ZFHX3: variants seen among roughly 807,000 people sequenced by gnomAD.
The protein encoded by ZFHX3 is zinc finger homeobox 3.
Under a neutral mutation model 279.1 loss-of-function variants are expected in ZFHX3, and 42 were observed. The observed-to-expected ratio is 0.15, with a 90% CI of 0.12 to 0.19. The LOEUF (loss-of-function observed/expected upper bound fraction) is 0.19, where lower values mean the gene tolerates loss of function less well. Ranked by LOEUF, ZFHX3 falls within the 10% of genes least tolerant of loss-of-function variation. The probability of loss-of-function intolerance (pLI) is 1.00; values close to 1 mark genes in which losing one functional copy is unlikely to be tolerated. For synonymous variants in ZFHX3, 2,293 were observed against 1,957.8 expected (o/e 1.17, Z -4.52); for missense variants, 4,981 against 4,754.0 (o/e 1.05, Z -1.40).
intron 3 of ZFHX3, among the ~76,000 whole-genome samples, chr16:73,331,619 G>C (rs189375308): frequency 6.6e-6 from 1 of 152,162 alleles, no homozygotes; most frequent in African/African-American, 2.4e-5. Flanking sequence ...TAACTCATTC[G>C]CAGTGGTGAG....
At chr16:73,442,771 G>T (rs189865505) in intron 3 of ZFHX3, among the ~76,000 whole-genome samples, 1 of 152,278 alleles carries the variant, frequency 6.6e-6, no homozygotes, top group Admixed American at 6.5e-5. Flanking sequence ...ATGAGCGCAG[G>T]ATCCAGGCAT....
rs570223860 is a variant in ZFHX3 at position 72,958,523 on chromosome 16, C to T, written c.1623G>A (p.Gln541=). 7.4e-6 allele frequency: 12 copies of T among 1,614,082 alleles called. No individual in the cohort carries two copies. The highest frequency in any genetic ancestry group is 4.0e-5 in the African/African-American group (3 of 75,028). ...SNSPLMPNVL[Q]TLSRGTASTS... is the part of the protein sequence containing the mutation. ...TAGAAGCTGTGCCCCTCGACAGGGT[C>T]TGGAGCACGTTAGGCATTAAGGGGG... The change falls in exon 2 of 10, where the codon CAG becomes CAA. Residue 541 remains glutamine, a synonymous_variant. Transcript: ENST00000268489.
At chr16:72,899,516 C>T (rs540668340) in intron 3 of ZFHX3, among the ~76,000 whole-genome samples, 3 of 152,196 alleles carry the variant, frequency 2.0e-5, no homozygotes, top group Admixed American at 1.3e-4. Context: ...TCGGGTATGT[C>T]TTTATTAATA....
At chr16:73,250,802 G>C (rs1427545427) in intron 5 of ZFHX3, among the ~76,000 whole-genome samples, 1 of 152,162 alleles carries the variant, frequency 6.6e-6, no homozygotes, top group Non-Finnish European at 1.5e-5. Flanking sequence ...CCAAAGTGCT[G>C]GGATTACAAG....
chr16:73,886,667 C>G (rs2030356183), intron 1 of ZFHX3, among the ~76,000 whole-genome samples: 1 of 152,144 alleles, frequency 6.6e-6, no homozygotes, highest in Admixed American at 6.5e-5. Flanking sequence ...AGTTTTTTCG[C>G]CTCACAACAG....
chr16:73,658,211 C>T (rs900370623), intron 2 of ZFHX3, among the ~76,000 whole-genome samples: 2 of 152,296 alleles, frequency 1.3e-5, no homozygotes, highest in African/African-American at 4.8e-5. Flanking sequence ...TCAGGAAATA[C>T]TAGCCTTTTA....
At chr16:72,902,535 G>A (rs1013109686) in intron 3 of ZFHX3, among the ~76,000 whole-genome samples, 3 of 152,198 alleles carry the variant, frequency 2.0e-5, no homozygotes, top group Non-Finnish European at 4.4e-5. Context: ...GGGGACAGAC[G>A]GACAGAAAAC....
At chr16:73,019,444 C>T (rs1964223955) in intron 1 of ZFHX3, among the ~76,000 whole-genome samples, 1 of 152,202 alleles carries the variant, frequency 6.6e-6, no homozygotes. Context: ...ACAACCCTTC[C>T]ACCAAGTGTG....
At chr16:73,041,599 A>G (rs1448421916) in intron 1 of ZFHX3, among the ~76,000 whole-genome samples, 1 of 152,188 alleles carries the variant, frequency 6.6e-6, no homozygotes, top group Non-Finnish European at 1.5e-5. Context: ...AAATAACATA[A>G]GGGGACACTA....
chr16:73,368,132 A>T (rs1567462829), intron 3 of ZFHX3, among the ~76,000 whole-genome samples: 1 of 152,168 alleles, frequency 6.6e-6, no homozygotes, highest in Non-Finnish European at 1.5e-5. Context: ...TGGCCTCCCA[A>T]AGTGCTGGGA....
At position 73,026,511 on chromosome 16, in the gene ZFHX3, A is replaced by C. The variant is rs7203164; in HGVS notation, c.-50+21241T>G. Among the ~76,000 whole-genome samples the C allele has an allele frequency of 3.3e-5, 5 of 151,578 alleles. No individual in the cohort carries two copies. The East Asian group carries it at 9.8e-4, about 30-fold the overall frequency. ...ACATGGTGAAACCCTGTCTCTACTA[A>C]ATACAAAAAATTAGCTAGGCATGGT... On this transcript the variant is annotated intron_variant, in intron 1 of 9. Coordinates refer to ENST00000268489, the MANE Select transcript of ZFHX3 (RefSeq NM_006885.4).
In ZFHX3 at chr16:73,055,694, G is replaced by GCA. The variant is rs753027373; in HGVS notation, c.-24+2835_-24+2836insTG. On this transcript the variant is annotated intron_variant, in intron 1 of 8. Transcript: ENST00000397992. ...TGCAGACGTACGCGCGCGCGCGCGC[G>GCA]CGCGCACACACACACACACACACAC... Among the ~76,000 whole-genome samples the GCA allele has an allele frequency of 1.4e-3, 189 of 138,124 alleles. 1 individual carries two copies. Among genetic ancestry groups the GCA allele is most frequent in the Middle Eastern group, 0.012 (3 of 254 alleles). The allele number at this position is 138,124 out of a possible 152,430, so 90.6% of individuals were successfully genotyped here.
intron 2 of ZFHX3, among the ~76,000 whole-genome samples, chr16:73,549,351 A>G (rs548135003): frequency 6.6e-6 from 1 of 152,202 alleles, no homozygotes; most frequent in Admixed American, 6.5e-5. Flanking sequence ...TTTCATATAT[A>G]TTTTTATCCA....
At chr16:73,852,998 A>C (rs1008042950) in intron 1 of ZFHX3, among the ~76,000 whole-genome samples, 1 of 152,056 alleles carries the variant, frequency 6.6e-6, no homozygotes, top group Non-Finnish European at 1.5e-5. Context: ...ACAAACAAAC[A>C]TGAAAATCTG....
intron 3 of ZFHX3, among the ~76,000 whole-genome samples, chr16:73,321,206 T>C (rs2015567394): frequency 6.6e-6 from 1 of 152,176 alleles, no homozygotes; most frequent in African/African-American, 2.4e-5. Context: ...CTCTAAAATT[T>C]TCTAGGGTCC....
chr16:73,673,942 C>T (rs1156965005), intron 2 of ZFHX3, among the ~76,000 whole-genome samples: 1 of 152,134 alleles, frequency 6.6e-6, no homozygotes, highest in Non-Finnish European at 1.5e-5. Flanking sequence ...GAGCAAACCC[C>T]TAAGTCAGGT....
intron 2 of ZFHX3, among the ~76,000 whole-genome samples, chr16:73,563,406 G>A (rs931532925): frequency 1.1e-4 from 16 of 151,876 alleles, no homozygotes; most frequent in South Asian, 2.1e-4. Context: ...ACAGGCACGC[G>A]CCACCATGCC....
At chr16:73,218,820 A>G (rs2012303255) in intron 5 of ZFHX3, among the ~76,000 whole-genome samples, 1 of 152,204 alleles carries the variant, frequency 6.6e-6, no homozygotes, top group African/African-American at 2.4e-5. Flanking sequence ...ATTTATCATT[A>G]TAATCATTCT....
intron 1 of ZFHX3, among the ~76,000 whole-genome samples, chr16:73,031,348 C>A (rs538438260): frequency 1.1e-4 from 16 of 152,248 alleles, no homozygotes; most frequent in Non-Finnish European, 1.6e-4. Flanking sequence ...AGGAAGGACG[C>A]AGGAAAACAC....
Sources: gnomAD v4.1 joint callset for allele counts (sites outside exome capture counted in the v4.1 genomes callset) on GRCh38, gnomAD v4.1.1 for gene constraint, MANE v1.5 for transcripts, NCBI Gene and HGNC (gene_info 2026-07-23, HGNC 2026-07-21) for gene names.